The following SNTB2 variants were observed in gnomAD, a reference collection of about 807,000 sequenced individuals.
SNTB2 encodes the protein beta-2-syntrophin.
Under a neutral mutation model 46.2 loss-of-function variants are expected in SNTB2, and 34 were observed. That is an observed-to-expected ratio of 0.74 (90% CI 0.56 to 0.98). The LOEUF is 0.98. Among genes scored for constraint, SNTB2 ranks in the 50% least tolerant of loss-of-function variants. The probability of loss-of-function intolerance (pLI) is 0.00; values close to 1 mark genes in which losing one functional copy is unlikely to be tolerated. For missense variants in SNTB2, 603 were observed against 731.4 expected (o/e 0.82, Z 2.02); for synonymous variants, 290 against 312.6 (o/e 0.93, Z 0.76).
intron 1 of SNTB2, among the ~76,000 whole-genome samples, chr16:69,207,053 C>T (rs1337416497): frequency 6.6e-6 from 1 of 152,032 alleles, no homozygotes; most frequent in Non-Finnish European, 1.5e-5. Context: ...AGGCATGAGC[C>T]ACACTGCGCC....
At chr16:69,191,876 C>A (rs974033416) in intron 1 of SNTB2, among the ~76,000 whole-genome samples, 7 of 152,068 alleles carry the variant, frequency 4.6e-5, no homozygotes, top group East Asian at 3.9e-4. Flanking sequence ...CTCCTGACCT[C>A]GTGATCTGCC....
chr16:69,232,528 T>G (rs1376199906), intron 1 of SNTB2, among the ~76,000 whole-genome samples: 5 of 140,214 alleles, frequency 3.6e-5, no homozygotes, highest in Non-Finnish European at 7.7e-5. Context: ...TTTTTTTTTT[T>G]TGGAGACGGA....
chr16:69,292,391 TATATATATATATATATTATATATATA>T (rs1318328324), intron 5 of SNTB2, among the ~76,000 whole-genome samples: 6 of 10,048 alleles, frequency 6.0e-4, no homozygotes, highest in African/African-American at 2.7e-3. Context: ...ATATATATAT[TATATATATATATATATTATATATATA>T]TTATATATAT....
At chr16:69,296,559 A>G (rs1404481711) in intron 5 of SNTB2, among the ~76,000 whole-genome samples, 1 of 149,396 alleles carries the variant, frequency 6.7e-6, no homozygotes, top group East Asian at 2.0e-4. Context: ...TGTCTCTACT[A>G]AAAATACAAA....
intron 1 of SNTB2, among the ~76,000 whole-genome samples, chr16:69,239,059 C>A (rs1298506043): frequency 6.6e-6 from 1 of 152,182 alleles, no homozygotes; most frequent in Admixed American, 6.5e-5. Flanking sequence ...TACTCTGGGT[C>A]TCCTTACTGT....
intron 1 of SNTB2, among the ~76,000 whole-genome samples, chr16:69,214,262 C>G (rs1378895170): frequency 4.6e-5 from 7 of 151,496 alleles, no homozygotes; most frequent in Non-Finnish European, 8.8e-5. Context: ...TCCCAAGTAG[C>G]TGGGATCACA....
At chr16:69,240,162 AT>A (rs1964597260) in intron 1 of SNTB2, among the ~76,000 whole-genome samples, 1 of 152,120 alleles carries the variant, frequency 6.6e-6, no homozygotes, top group Non-Finnish European at 1.5e-5. Flanking sequence ...TTACATTATT[AT>A]TTTTTGCATA....
chr16:69,218,192 C>T (rs1187604734), intron 1 of SNTB2, among the ~76,000 whole-genome samples: 3 of 152,084 alleles, frequency 2.0e-5, no homozygotes, highest in Non-Finnish European at 4.4e-5. Context: ...TAAATATAAT[C>T]ACAGGATAAG....
chr16:69,249,719 A>G (rs1202799234), intron 2 of SNTB2, among the ~76,000 whole-genome samples: 1 of 152,186 alleles, frequency 6.6e-6, no homozygotes, highest in Non-Finnish European at 1.5e-5. Context: ...GGCATGCCAT[A>G]TAAGGAAAGG....
intron 2 of SNTB2, among the ~76,000 whole-genome samples, chr16:69,253,891 T>C (rs1424125105): frequency 2.6e-5 from 4 of 152,100 alleles, no homozygotes; most frequent in Non-Finnish European, 4.4e-5. Context: ...GTCCTAGGAA[T>C]TGTATGATGT....
intron 1 of SNTB2, among the ~76,000 whole-genome samples, chr16:69,193,192 ATCATCCTGG>A: frequency 6.6e-6 from 1 of 151,824 alleles, no homozygotes; most frequent in East Asian, 1.9e-4. Context: ...GGAGTTCAAG[ATCATCCTGG>A]TCAACCTAGT....
intron 5 of SNTB2, among the ~76,000 whole-genome samples, chr16:69,290,336 T>C (rs1433056841): frequency 2.0e-5 from 3 of 152,200 alleles, no homozygotes; most frequent in Non-Finnish European, 4.4e-5. Context: ...ATACCAATTA[T>C]TTAAGCCATT....
intron 1 of SNTB2, among the ~76,000 whole-genome samples, chr16:69,210,556 C>T (rs1964273200): frequency 6.9e-6 from 1 of 144,326 alleles, no homozygotes; most frequent in Non-Finnish European, 1.5e-5. Context: ...TTTTTAGAGA[C>T]AGGCTCTTGC....
At chr16:69,244,372 G>T (rs1307353959) in intron 1 of SNTB2, among the ~76,000 whole-genome samples, 1 of 152,176 alleles carries the variant, frequency 6.6e-6, no homozygotes, top group African/African-American at 2.4e-5. Context: ...AGCATACCAG[G>T]CATCTCTTTG....
intron 3 of SNTB2, 94 bp from the exon 4 acceptor site, chr16:69,270,049 A>G: frequency 2.8e-6 from 4 of 1,450,414 alleles, no homozygotes; most frequent in Non-Finnish European, 3.8e-6. Flanking sequence ...GGAAAACAAA[A>G]TGGAGACCCA....
chr16:69,200,663 GT>G (rs1397236000), intron 1 of SNTB2, among the ~76,000 whole-genome samples: 1 of 152,024 alleles, frequency 6.6e-6, no homozygotes, highest in East Asian at 1.9e-4. Flanking sequence ...GTTTTGTTTC[GT>G]TTATTTATTT....
chr16:69,265,691 GT>G (rs1964877328), intron 3 of SNTB2, among the ~76,000 whole-genome samples: 1 of 151,896 alleles, frequency 6.6e-6, no homozygotes, highest in African/African-American at 2.4e-5. Flanking sequence ...GCTGGACGTG[GT>G]GGCGGGCACC....
intron 1 of SNTB2, among the ~76,000 whole-genome samples, chr16:69,199,007 C>T (rs1359195278): frequency 6.6e-6 from 1 of 151,618 alleles, no homozygotes; most frequent in African/African-American, 2.4e-5. Flanking sequence ...AGTGATTCTC[C>T]TGCCTCAGCC....
At chr16:69,243,170 T>C (rs12933098) in intron 1 of SNTB2, among the ~76,000 whole-genome samples, 16,519 of 152,190 alleles carry the variant, frequency 0.11, 1,181 homozygotes, top group Middle Eastern at 0.22. Flanking sequence ...GAAATGATTC[T>C]GAAATATGTT....
Sources: allele counts gnomAD v4.1 joint callset (sites outside exome capture counted in the v4.1 genomes callset), GRCh38; gene constraint gnomAD v4.1.1; transcripts MANE v1.5; gene names NCBI Gene and HGNC (gene_info 2026-07-23, HGNC 2026-07-21).